NOL7: variants seen among roughly 807,000 people sequenced by gnomAD.
NOL7 encodes nucleolar protein 7, also known as U3 small nucleolar RNA-associated protein NOL7.
In NOL7, 36 loss-of-function variants were observed where a neutral mutation model predicts 38.4. The observed-to-expected ratio is 0.94, with a 90% CI of 0.72 to 1.24. The LOEUF (loss-of-function observed/expected upper bound fraction) is 1.24, where lower values mean the gene tolerates loss of function less well. Among genes scored for constraint, NOL7 ranks in the 50% most tolerant of loss-of-function variants. The probability of loss-of-function intolerance (pLI) is 0.00; values close to 1 mark genes in which losing one functional copy is unlikely to be tolerated. For missense variants in NOL7, 350 were observed against 315.1 expected, an observed-to-expected ratio of 1.11 and a Z score of -0.84; for synonymous variants, 142 against 126.5, an observed-to-expected ratio of 1.12 and a Z score of -0.82.
At position 13,620,407 on chromosome 6, in the gene NOL7, G is replaced by A. The variant is rs749232846; in HGVS notation, c.623-1G>A. The stretch of plus-strand genomic sequence containing the variant: ...AAATGATAAATACCTTTCTTTTCTA[G>A]TAAATAAGTTCCTGTCTCTTGCCAA... On this transcript the variant is annotated splice_acceptor_variant, in intron 6 of 7. Transcript: ENST00000451315. LOFTEE classifies it high-confidence loss of function. 1 of 1,613,970 alleles carries A rather than the reference G, an allele frequency of 6.2e-7. No homozygotes were observed. The highest frequency in any genetic ancestry group is 8.5e-7 in the Non-Finnish European group (1 of 1,179,948).
intron 8 of NOL7, among the ~76,000 whole-genome samples, chr6:13,627,988 ACTACACTGCAGTGTTT>A: frequency 6.6e-6 from 1 of 152,314 alleles, no homozygotes; most frequent in South Asian, 2.1e-4. Context: ...AAAAAATACT[ACTACACTGCAGTGTTT>A]AAAAACTCAG....
intron 8 of NOL7, among the ~76,000 whole-genome samples, chr6:13,630,127 T>G (rs1055427070): frequency 2.6e-5 from 4 of 152,158 alleles, no homozygotes; most frequent in African/African-American, 7.2e-5. Flanking sequence ...TGGCTACTTA[T>G]ATATAAGGTG....
chr6:13,616,305 C>T (rs962762622), intron 2 of NOL7, among the ~76,000 whole-genome samples, 158 bp from the exon 3 acceptor site: 1 of 152,138 alleles, frequency 6.6e-6, no homozygotes, highest in African/African-American at 2.4e-5. Flanking sequence ...TTTGTGGACC[C>T]GGTCTTCCCA....
At position 13,615,499 on chromosome 6, in the gene NOL7, G is replaced by C. The variant is rs1360167896; in HGVS notation, c.141G>C (p.Glu47Asp). The C allele has an allele frequency of 6.4e-7, 1 of 1,553,514 alleles. No individual in the cohort carries two copies. Among genetic ancestry groups the C allele is most frequent in the African/African-American group, 1.4e-5 (1 of 73,246 alleles). The change falls in exon 1 of 8, where the codon GAG becomes GAC. Residue 47 changes from glutamate (E) to aspartate (D), a missense_variant. Transcript: ENST00000451315. ...LGQPSSGAAA[E>D]PLEEDEEGDD... ...AGCCCAGCAGCGGCGCGGCCGCCGA[G>C]CCCCTGGAGGAAGACGAGGAAGGGG...
At chr6:13,622,237 G>A (rs1339154984), downstream of NOL7, 12 of 1,012,416 alleles carry the variant, frequency 1.2e-5, no homozygotes, top group Non-Finnish European at 1.4e-5. Flanking sequence ...AGGAAGCAAT[G>A]TAAAGCGACA....
At chr6:13,627,624 C>A in intron 8 of NOL7, among the ~76,000 whole-genome samples, 1 of 109,824 alleles carries the variant, frequency 9.1e-6, no homozygotes, top group South Asian at 3.6e-4. Flanking sequence ...AGAGAGACTC[C>A]ATCTCCAAAA....
Position 13,620,515 on chromosome 6 carries a change from A to G in NOL7, c.700+30A>G, listed in dbSNP as rs374804197. ...GATCCAGCTTTATTCTCCTGTCTCTAATAGCTTTATATGTTGAATAATGTT... is the reference window on the plus strand; with the variant it reads ...GATCCAGCTTTATTCTCCTGTCTCTGATAGCTTTATATGTTGAATAATGTT... On this transcript the variant is annotated intron_variant, in intron 7 of 7. Coordinates refer to ENST00000451315, the MANE Select transcript of NOL7 (RefSeq NM_016167.5). 10 of 1,574,072 alleles carry G rather than the reference A, an allele frequency of 6.4e-6. No individual in the cohort carries two copies. The African/African-American group carries it at 1.2e-4, about 19-fold the overall frequency.
Position 13,615,556 on chromosome 6 carries a change from GC to G in NOL7, c.199del (p.Leu67Ter). The G allele has an allele frequency of 6.4e-7, 1 of 1,563,668 alleles. No homozygotes were observed. The highest frequency in any genetic ancestry group is 8.7e-7 in the Non-Finnish European group (1 of 1,152,944). ...DEFDDEAPEE[L>X]TFASAQAEAR... The stretch of plus-strand genomic sequence containing the variant: ...AGTTTGACGATGAGGCCCCGGAGGA[GC>G]TGACTTTCGCCAGCGCCCAGGCGGA... On this transcript the variant is annotated frameshift_variant, in exon 1 of 8. Transcript: ENST00000451315. LOFTEE classifies it high-confidence loss of function.
downstream of NOL7, among the ~76,000 whole-genome samples, chr6:13,625,040 T>G (rs377356725): frequency 1.3e-5 from 2 of 152,236 alleles, no homozygotes; most frequent in Admixed American, 6.5e-5. Flanking sequence ...TGCCCTCTAC[T>G]GGATCAGTTT....
rs1764418947 is a variant in NOL7 at position 13,620,671 on chromosome 6, T to TAA, written c.701-82_701-81dup. The TAA allele has an allele frequency of 2.9e-6, 3 of 1,018,580 alleles. No homozygotes were observed. The Admixed American group carries it at 7.9e-5, about 27-fold the overall frequency. 63.1% of individuals were successfully genotyped at this position (1,018,580 alleles called of 1,614,324 possible). A position where few individuals can be genotyped will look rare whatever the true frequency, so the allele number is the denominator to read the frequency against. On this transcript the variant is annotated intron_variant, in intron 7 of 7. Transcript: ENST00000451315. Reference sequence around the variant, plus strand: ...GTATAATAAGCCCACCCAGTTTTAGTAATTACATTCATATAGAGTAATTAA... The same window carrying TAA: ...GTATAATAAGCCCACCCAGTTTTAGTAAAATTACATTCATATAGAGTAATTAA...
chr6:13,620,592 T>C (rs534493328), intron 7 of NOL7, 107 bp downstream of exon 7: 1 of 1,153,998 alleles, frequency 8.7e-7, no homozygotes, highest in Non-Finnish European at 1.3e-6. Flanking sequence ...TAATGGCTTA[T>C]ATATTAAGTT....
chr6:13,625,433 A>G (rs1408231121), downstream of NOL7, among the ~76,000 whole-genome samples: 1 of 152,170 alleles, frequency 6.6e-6, no homozygotes, highest in Non-Finnish European at 1.5e-5. Flanking sequence ...TTTCCCAAAC[A>G]TCCCAAGTTG....
downstream of NOL7, among the ~76,000 whole-genome samples, chr6:13,624,113 T>A (rs190762244): frequency 3.9e-5 from 6 of 152,196 alleles, no homozygotes; most frequent in African/African-American, 1.4e-4. Context: ...ATATAACACA[T>A]TAACCAAAGA....
chr6:13,620,870 T>C lies in NOL7; in HGVS notation c.*43T>C. On this transcript the variant is annotated 3_prime_UTR_variant, in exon 8 of 8. Coordinates refer to ENST00000451315, the MANE Select transcript of NOL7 (RefSeq NM_016167.5). Reference sequence around the variant, plus strand: ...AATCTGTACTTTGTATGTATAGAATTTATCTAATAAATCATTCATAGATCA... The same window carrying C: ...AATCTGTACTTTGTATGTATAGAATCTATCTAATAAATCATTCATAGATCA... 1 of 1,153,134 alleles carries C rather than the reference T, an allele frequency of 8.7e-7. No individual in the cohort carries two copies. Among genetic ancestry groups the C allele is most frequent in the African/African-American group, 1.6e-5 (1 of 64,060 alleles). 71.4% of individuals were successfully genotyped at this position (1,153,134 alleles called of 1,614,324 possible). A position where few individuals can be genotyped will look rare whatever the true frequency, so the allele number is the denominator to read the frequency against.
At chr6:13,631,981 A>T (rs540063076) in intron 8 of NOL7, among the ~76,000 whole-genome samples, 1 of 152,316 alleles carries the variant, frequency 6.6e-6, no homozygotes, top group Non-Finnish European at 1.5e-5. Flanking sequence ...CTAAAATGAG[A>T]TCTCAGACCT....
At chr6:13,623,423 C>T (rs548705830), downstream of NOL7, among the ~76,000 whole-genome samples, 2 of 152,068 alleles carry the variant, frequency 1.3e-5, no homozygotes, top group African/African-American at 4.8e-5. Flanking sequence ...GAGGAAATTT[C>T]CAAAAGGGAA....
At chr6:13,619,191 GGTT>G (rs1764371341) in intron 5 of NOL7, among the ~76,000 whole-genome samples, 1 of 152,208 alleles carries the variant, frequency 6.6e-6, no homozygotes, top group Non-Finnish European at 1.5e-5. Context: ...CCAATGGAAA[GGTT>G]GTTCACCACT....
chr6:13,618,435 G>C (rs1764344792), intron 5 of NOL7, among the ~76,000 whole-genome samples: 1 of 151,250 alleles, frequency 6.6e-6, no homozygotes, highest in Admixed American at 6.6e-5. Flanking sequence ...TTTTAGTAGA[G>C]ACGGGGTTTC....
intron 5 of NOL7, 32 bp from the exon 6 acceptor site, chr6:13,620,176 A>G (rs769813016): frequency 6.3e-7 from 1 of 1,585,764 alleles, no homozygotes; most frequent in Non-Finnish European, 8.5e-7. Context: ...AGCATGTGTA[A>G]TTCTTATTTA....
Sources: gnomAD v4.1 joint callset for allele counts (sites outside exome capture counted in the v4.1 genomes callset) on GRCh38, gnomAD v4.1.1 for gene constraint, MANE v1.5 for transcripts, NCBI Gene and HGNC (gene_info 2026-07-23, HGNC 2026-07-21) for gene names.